Variants in TPD52L2 observed in about 807,000 individuals in gnomAD.
The protein encoded by TPD52L2 is tumor protein D54.
In TPD52L2, 19 loss-of-function variants were observed where a neutral mutation model predicts 24.7. That is an observed-to-expected ratio of 0.77 (90% CI 0.54 to 1.13). The LOEUF (loss-of-function observed/expected upper bound fraction) is 1.13, where lower values mean the gene tolerates loss of function less well. Among genes scored for constraint, TPD52L2 ranks in the 50% most tolerant of loss-of-function variants. The probability of loss-of-function intolerance (pLI) is 0.00; values close to 1 mark genes in which losing one functional copy is unlikely to be tolerated. For missense variants in TPD52L2, 236 were observed against 250.4 expected, an observed-to-expected ratio of 0.94 and a Z score of 0.39; for synonymous variants, 104 against 100.2, an observed-to-expected ratio of 1.04 and a Z score of -0.23.
chr20:63,881,937 G>T (rs2052914330), intron 4 of TPD52L2, among the ~76,000 whole-genome samples: 1 of 152,220 alleles, frequency 6.6e-6, no homozygotes, highest in Non-Finnish European at 1.5e-5. Context: ...CCCTTTGCCT[G>T]TCCTGCAGAC....
At chr20:63,872,468 C>G (rs573979836) in intron 2 of TPD52L2, among the ~76,000 whole-genome samples, 1 of 151,232 alleles carries the variant, frequency 6.6e-6, no homozygotes, top group South Asian at 2.1e-4. Context: ...ACCTCTGTCT[C>G]CTGGGTTCAA....
intron 1 of TPD52L2, among the ~76,000 whole-genome samples, chr20:63,867,563 T>TAA (rs777112231): frequency 1.1e-3 from 151 of 137,036 alleles, no homozygotes; most frequent in Non-Finnish European, 1.9e-3. Flanking sequence ...AAGACTCGTC[T>TAA]AAAAAAAAAA....
Position 63,890,130 on chromosome 20 carries a change from C to T in TPD52L2, c.*185C>T, listed in dbSNP as rs1449355619. On this transcript the variant is annotated 3_prime_UTR_variant, in exon 7 of 7. Transcript: ENST00000346249. ...TGAATTTGAAGAACACAGGCTTGTA[C>T]ACAGATGTTTTACACTCACGTTTGT... 1.5e-6 allele frequency: 2 copies of T among 1,343,906 alleles called. No individual in the cohort carries two copies. The highest frequency in any genetic ancestry group is 2.5e-5 in the East Asian group (1 of 39,670). 83.2% of individuals were successfully genotyped at this position (1,343,906 alleles called of 1,614,324 possible). A position where few individuals can be genotyped will look rare whatever the true frequency, so the allele number is the denominator to read the frequency against.
At position 63,890,083 on chromosome 20, in the gene TPD52L2, A is replaced by C. The variant is rs2053276580; in HGVS notation, c.*138A>C. 1 of 1,505,104 alleles carries C rather than the reference A, an allele frequency of 6.6e-7. No individual in the cohort carries two copies. Among genetic ancestry groups the C allele is most frequent in the African/African-American group, 1.4e-5 (1 of 72,202 alleles). 93.2% of individuals were successfully genotyped at this position (1,505,104 alleles called of 1,614,324 possible). On this transcript the variant is annotated 3_prime_UTR_variant, in exon 7 of 7. Coordinates refer to ENST00000346249, the MANE Select transcript of TPD52L2 (RefSeq NM_003288.4). ...AGGACAGTCCTGCCCATCCACGCGG[A>C]GATGTGGCTGCCGCGTTTGCATGAA...
At chr20:63,875,183 C>T (rs2052625735) in intron 3 of TPD52L2, among the ~76,000 whole-genome samples, 2 of 149,580 alleles carry the variant, frequency 1.3e-5, no homozygotes, top group Admixed American at 1.3e-4. Flanking sequence ...ATATATAGGA[C>T]CATATGGTCC....
intron 4 of TPD52L2, 60 bp downstream of exon 4, chr20:63,875,935 C>T (rs374163344): frequency 1.1e-4 from 177 of 1,543,670 alleles, no homozygotes; most frequent in Admixed American, 1.0e-4. Context: ...GACACTCAGT[C>T]GGGGAAGGGG....
At chr20:63,875,150 A>ATATATATAT (rs1360259821) in intron 3 of TPD52L2, among the ~76,000 whole-genome samples, 1 of 144,444 alleles carries the variant, frequency 6.9e-6, no homozygotes, top group Non-Finnish European at 1.5e-5. Context: ...TCAAAAAAAA[A>ATATATATAT]AAATATATAT....
chr20:63,876,171 T>G (rs757001895), intron 4 of TPD52L2, among the ~76,000 whole-genome samples: 6 of 152,178 alleles, frequency 3.9e-5, no homozygotes, highest in Non-Finnish European at 5.9e-5. Context: ...CTCTAACTAA[T>G]AGAGCTCCTT....
At chr20:63,883,909 G>A (rs759352530) in intron 5 of TPD52L2, among the ~76,000 whole-genome samples, 4 of 152,008 alleles carry the variant, frequency 2.6e-5, no homozygotes, top group East Asian at 3.9e-4. Flanking sequence ...GGTGGGGGTC[G>A]TCCTGCGCCA....
chr20:63,865,479 C>T lies in TPD52L2; in HGVS notation c.19+95C>T, dbSNP rs967701681. ...TCGCGTCTGCGACTCTCTGTCCTCT[C>T]GGTCTCGGTTCACCCACCCCGCGGC... On this transcript the variant is annotated intron_variant, in intron 1 of 6. Coordinates refer to ENST00000346249, the MANE Select transcript of TPD52L2 (RefSeq NM_003288.4). 2.8e-6 allele frequency: 4 copies of T among 1,451,170 alleles called. No individual in the cohort carries two copies. In the African/African-American group the frequency reaches 4.4e-5, roughly 16 times the overall value. 89.9% of individuals were successfully genotyped at this position (1,451,170 alleles called of 1,614,324 possible). A position where few individuals can be genotyped will look rare whatever the true frequency, so the allele number is the denominator to read the frequency against.
intron 5 of TPD52L2, among the ~76,000 whole-genome samples, chr20:63,886,563 G>GTGTTATCCAGGA (rs1230344059): frequency 6.6e-6 from 1 of 151,564 alleles, no homozygotes; most frequent in Non-Finnish European, 1.5e-5. Flanking sequence ...GGGTTTCACC[G>GTGTTATCCAGGA]TGGTCTCGAT....
chr20:63,871,388 C>T (rs1042071348), intron 2 of TPD52L2, among the ~76,000 whole-genome samples: 28 of 151,450 alleles, frequency 1.8e-4, no homozygotes, highest in African/African-American at 5.6e-4. Context: ...CTCACTCTGT[C>T]GCCCAGGCTG....
chr20:63,877,705 A>T lies in TPD52L2; in HGVS notation c.374+1830A>T, dbSNP rs2146211060. On this transcript the variant is annotated intron_variant, in intron 4 of 6. Coordinates refer to ENST00000346249, the MANE Select transcript of TPD52L2 (RefSeq NM_003288.4). This position sits in a 1 kb window ranked among gnomAD's most constrained non-coding sequence, Gnocchi z 4.1. ...AAATAAATAGTGTTTTAGAGAGCTT[A>T]TTACAACACTCAGCGTCCCGACCCC... Among the ~76,000 whole-genome samples the T allele has an allele frequency of 6.6e-6, 1 of 152,392 alleles. No homozygotes were observed. Among genetic ancestry groups the T allele is most frequent in the South Asian group, 2.1e-4 (1 of 4,834 alleles).
At chr20:63,874,831 A>G in intron 3 of TPD52L2, among the ~76,000 whole-genome samples, 1 of 152,114 alleles carries the variant, frequency 6.6e-6, no homozygotes, top group African/African-American at 2.4e-5. Context: ...GCATGGTCAC[A>G]GCCTCTGACC....
chr20:63,880,971 T>C (rs1188448983), intron 4 of TPD52L2, among the ~76,000 whole-genome samples: 1 of 151,722 alleles, frequency 6.6e-6, no homozygotes, highest in African/African-American at 2.4e-5. Flanking sequence ...GTTTTATTAA[T>C]AAAAGAAGAA....
Position 63,882,721 on chromosome 20 carries a change from A to G in TPD52L2, c.377A>G (p.Tyr126Cys). 2 of 1,613,052 alleles carry G rather than the reference A, an allele frequency of 1.2e-6. No homozygotes were observed. The highest frequency in any genetic ancestry group is 1.7e-6 in the Non-Finnish European group (2 of 1,179,000). Residue 126 changes from tyrosine to cysteine, a missense_variant and splice_region_variant, in exon 5 of 7, where the codon TAC becomes TGC. By Grantham distance (194) the Tyr-to-Cys change is radical. Transcript: ENST00000346249. Reference protein sequence around the residue: ...WNEKVTQSDLYKKTQETLSQA... With the variant: ...WNEKVTQSDLCKKTQETLSQA... ...GATTTAACTGGTGTGTCTTCCAGCT[A>G]CAAGAAGACTCAGGAAACTCTTTCA...
Position 63,886,167 on chromosome 20 carries a change from G to C in TPD52L2, c.477-3023G>C, listed in dbSNP as rs2053088018. On this transcript the variant is annotated intron_variant, in intron 5 of 6. Transcript: ENST00000346249. ...GTGAAAGTGGGATCACCCCTTCCAG[G>C]ACAGCAGTGCCAGCCAGGTGGTTGC... 3.2e-6 allele frequency: 3 copies of C among 937,712 alleles called. No individual in the cohort carries two copies. The Admixed American group carries it at 5.3e-5, about 17-fold the overall frequency. 58.1% of individuals were successfully genotyped at this position (937,712 alleles called of 1,614,324 possible).
intron 5 of TPD52L2, among the ~76,000 whole-genome samples, chr20:63,886,610 A>G (rs1488134496): frequency 1.3e-5 from 2 of 150,620 alleles, no homozygotes; most frequent in Non-Finnish European, 3.0e-5. Flanking sequence ...CGGCCTCCCA[A>G]AGTGCTGGGA....
Position 63,889,953 on chromosome 20 carries a change from GT to G in TPD52L2, c.*10del. 3.1e-6 allele frequency: 5 copies of G among 1,613,996 alleles called. No individual in the cohort carries two copies. The highest frequency in any genetic ancestry group is 4.2e-6 in the Non-Finnish European group (5 of 1,180,040). Reference sequence around the variant, plus strand: ...GATCCCGCACCTTTCTAAGCCTGTGGTTGCTTCACCCGCTGCAGAGCACACG... The same window carrying G: ...GATCCCGCACCTTTCTAAGCCTGTGGTGCTTCACCCGCTGCAGAGCACACG... On this transcript the variant is annotated 3_prime_UTR_variant, in exon 7 of 7. Transcript: ENST00000346249.
Sources: gnomAD v4.1 joint callset for allele counts (sites outside exome capture counted in the v4.1 genomes callset) on GRCh38, gnomAD v4.1.1 for gene constraint, Gnocchi (gnomAD v3.1) non-coding constraint, MANE v1.5 for transcripts, NCBI Gene and HGNC (gene_info 2026-07-23, HGNC 2026-07-21) for gene names.